The following ATP7B variants were observed in gnomAD, a reference collection of about 807,000 sequenced individuals.
ATP7B encodes ATPase copper transporting beta, also known as copper-transporting ATPase 2.
A neutral mutation model predicts 118.9 loss-of-function variants in ATP7B; 113 were observed. That is an observed-to-expected ratio of 0.95 (90% CI 0.82 to 1.11). ATP7B has a LOEUF of 1.11. ATP7B is among the 50% of genes most tolerant of loss of function. The pLI is 0.00. For synonymous variants in ATP7B, 777 were observed against 727.4 expected (o/e 1.07, Z -1.10); for missense variants, 1,867 against 1,871.4 (o/e 1.00, Z 0.04).
intron 1 of ATP7B, among the ~76,000 whole-genome samples, chr13:51,975,885 T>C (rs1188562439): frequency 6.6e-6 from 1 of 152,224 alleles, no homozygotes; most frequent in Non-Finnish European, 1.5e-5. Flanking sequence ...GAACAGAAAG[T>C]TGAGTTTCAC....
intron 9 of ATP7B, among the ~76,000 whole-genome samples, chr13:51,953,719 T>C (rs1477570856): frequency 6.6e-6 from 1 of 152,154 alleles, no homozygotes; most frequent in African/African-American, 2.4e-5. Flanking sequence ...GCCAGGAATC[T>C]GTTTACTTCA....
At chr13:51,995,346 A>G in intron 1 of ATP7B, 3 of 985,376 alleles carry the variant, frequency 3.0e-6, no homozygotes, top group Non-Finnish European at 3.6e-6. Flanking sequence ...GTTCCATTCA[A>G]AACTCTCTGT....
intron 2 of ATP7B, among the ~76,000 whole-genome samples, chr13:51,970,959 C>T (rs1470681347): frequency 6.6e-6 from 1 of 151,882 alleles, no homozygotes; most frequent in African/African-American, 2.4e-5. Context: ...CTTCCCATTG[C>T]CTATTTGGAT....
chr13:51,998,186 G>A (rs1243891702), intron 1 of ATP7B, among the ~76,000 whole-genome samples: 5 of 152,104 alleles, frequency 3.3e-5, no homozygotes, highest in African/African-American at 1.2e-4. Context: ...CAGGGTGCCA[G>A]CAGGTGGTCA....
At position 51,941,348 on chromosome 13, in the gene ATP7B, A is replaced by C. The variant is rs1593661555; in HGVS notation, c.3413-124T>G. The C allele has an allele frequency of 1.5e-5, 17 of 1,165,398 alleles. No homozygotes were observed. In the Middle Eastern group the frequency reaches 7.1e-4, roughly 48 times the overall value. The allele number at this position is 1,165,398 out of a possible 1,614,324, so 72.2% of individuals were successfully genotyped here. A position where few individuals can be genotyped will look rare whatever the true frequency, so the allele number is the denominator to read the frequency against. On this transcript the variant is annotated intron_variant, in intron 15 of 20. Transcript: ENST00000242839. ...TCTGAAAAACTGTAACCTTGTAAGC[A>C]CCTCTTGTGACAGCATCCTTTAGGA... is the stretch of plus-strand genomic sequence containing the variant.
intron 19 of ATP7B, among the ~76,000 whole-genome samples, chr13:51,936,383 TCTC>T (rs1196085630): frequency 1.4e-5 from 2 of 139,876 alleles, no homozygotes; most frequent in African/African-American, 5.5e-5. Context: ...AAACTTGATC[TCTC>T]CTCAGCCCAT....
chr13:51,940,505 C>T (rs1957269084), intron 16 of ATP7B, among the ~76,000 whole-genome samples: 1 of 151,330 alleles, frequency 6.6e-6, no homozygotes, highest in African/African-American at 2.4e-5. Flanking sequence ...TGTAGCTGGG[C>T]GTGGTGGCGG....
At position 51,974,916 on chromosome 13, in the gene ATP7B, A is replaced by G; in HGVS notation, c.304T>C (p.Tyr102His). ...TGCAGGCACACAACCGATGGCACAT[A>G]TTTCACAGTGGCACTGCCTTGTTCC... ...SLEQGSATVKYVPSVVCLQQV... is the reference protein window; with the variant it reads ...SLEQGSATVKHVPSVVCLQQV... The change falls in exon 2 of 21, where the codon TAT becomes CAT. Residue 102 changes from tyrosine to histidine, a missense_variant. Coordinates refer to ENST00000242839, the MANE Select transcript of ATP7B (RefSeq NM_000053.4). The G allele has an allele frequency of 6.2e-7, 1 of 1,614,246 alleles. No homozygotes were observed. The highest frequency in any genetic ancestry group is 8.5e-7 in the Non-Finnish European group (1 of 1,180,040).
chr13:52,001,559 G>C (rs1405997957), intron 1 of ATP7B, among the ~76,000 whole-genome samples: 4 of 151,994 alleles, frequency 2.6e-5, no homozygotes, highest in Non-Finnish European at 5.9e-5. Context: ...CATATCCAAA[G>C]GGCTCACTTC....
chr13:52,011,462 G>GGCGCC (rs1322135702), upstream of ATP7B: 2 of 1,276,926 alleles, frequency 1.6e-6, no homozygotes, highest in Admixed American at 3.8e-5. Flanking sequence ...GCATCGGCGC[G>GGCGCC]GCTCGGCTCT....
chr13:51,973,963 G>C lies in ATP7B; in HGVS notation c.1257C>G (p.Asp419Glu). 1 of 1,614,244 alleles carries C rather than the reference G, an allele frequency of 6.2e-7. No homozygotes were observed. Among genetic ancestry groups the C allele is most frequent in the Non-Finnish European group, 8.5e-7 (1 of 1,180,048 alleles). The part of the protein sequence containing the change: ...SPEELRAAIE[D>E]MGFEASVVSE... Reference sequence around the variant, plus strand: ...AAACGACTGAAGCCTCAAATCCCATGTCTTCTATAGCAGCTCTGAGTTCTT... The same window carrying C: ...AAACGACTGAAGCCTCAAATCCCATCTCTTCTATAGCAGCTCTGAGTTCTT... Residue 419 changes from aspartate (D) to glutamate (E), a missense_variant, in exon 2 of 21, where the codon GAC becomes GAG. Coordinates refer to ENST00000242839, the MANE Select transcript of ATP7B (RefSeq NM_000053.4).
At chr13:51,981,926 A>G (rs1412230645) in intron 1 of ATP7B, among the ~76,000 whole-genome samples, 3 of 152,166 alleles carry the variant, frequency 2.0e-5, no homozygotes, top group Admixed American at 6.5e-5. Flanking sequence ...AGCCACATGC[A>G]GCCCAGGATG....
At position 51,977,381 on chromosome 13, in the gene ATP7B, T is replaced by C. The variant is rs1244982635; in HGVS notation, c.52-2213A>G. 2.6e-5 allele frequency among the ~76,000 whole-genome samples: 4 copies of C among 152,328 alleles called. No homozygotes were observed. In the South Asian group the frequency reaches 6.2e-4, roughly 24 times the overall value. ...TTTTAAACTGTTTAAGCATTTTTGT[T>C]AAAAACTAAGACACAAACACATACA... On this transcript the variant is annotated intron_variant, in intron 1 of 20. Transcript: ENST00000242839.
At chr13:51,948,650 C>T (rs1030104257) in intron 12 of ATP7B, among the ~76,000 whole-genome samples, 2 of 152,132 alleles carry the variant, frequency 1.3e-5, no homozygotes, top group African/African-American at 4.8e-5. Context: ...AGCATCCCCC[C>T]AGTCACAAAC....
At chr13:51,942,031 T>C (rs991768510) in intron 15 of ATP7B, among the ~76,000 whole-genome samples, 7 of 152,184 alleles carry the variant, frequency 4.6e-5, no homozygotes, top group Non-Finnish European at 1.0e-4. Context: ...GCCTGCTTTG[T>C]AAATACCAGA....
At chr13:51,964,655 A>C (rs1958969868) in intron 5 of ATP7B, 4 of 556,000 alleles carry the variant, frequency 7.2e-6, no homozygotes, top group Middle Eastern at 4.9e-4. Flanking sequence ...TCTTTTCCTC[A>C]TCTTTCTCTT....
rs770624100 is a variant in ATP7B, at chr13:51,942,464, T to C, written c.3334A>G (p.Ile1112Val). Reference sequence around the variant, plus strand: ...AAAGGGCGCTCACTGTGGGCCAGGATGCCTTCCACGTTGCTGACTTTGCAC... The same window carrying C: ...AAAGGGCGCTCACTGTGGGCCAGGACGCCTTCCACGTTGCTGACTTTGCAC... ...IGCKVSNVEG[I>V]LAHSERPLSA... Residue 1112 changes from isoleucine to valine, a missense_variant, in exon 15 of 21, where the codon ATC (isoleucine) becomes GTC (valine). By Grantham distance (29) the Ile-to-Val change is conservative (BLOSUM62 3). Transcript: ENST00000242839. The C allele has an allele frequency of 6.2e-7, 1 of 1,614,246 alleles. No individual in the cohort carries two copies. Among genetic ancestry groups the C allele is most frequent in the Non-Finnish European group, 8.5e-7 (1 of 1,180,040 alleles).
intron 1 of ATP7B, among the ~76,000 whole-genome samples, chr13:51,997,012 C>A (rs994847257): frequency 6.6e-6 from 1 of 152,210 alleles, no homozygotes; most frequent in Non-Finnish European, 1.5e-5. Flanking sequence ...AGCCTCCCTG[C>A]CAGAGGCCAG....
At chr13:51,938,327 C>T (rs561782355) in intron 17 of ATP7B, among the ~76,000 whole-genome samples, 1 of 152,322 alleles carries the variant, frequency 6.6e-6, no homozygotes, top group East Asian at 1.9e-4. Flanking sequence ...GCAGACCCCC[C>T]TTCACTCCTC....
Sources: allele counts gnomAD v4.1 joint callset (sites outside exome capture counted in the v4.1 genomes callset), GRCh38; gene constraint gnomAD v4.1.1; transcripts MANE v1.5; gene names NCBI Gene and HGNC (gene_info 2026-07-23, HGNC 2026-07-21).